Variants in IGFN1 observed in about 807,000 individuals in gnomAD.
IGFN1 encodes the protein immunoglobulin-like and fibronectin type III domain-containing protein 1.
A neutral mutation model predicts 289.5 loss-of-function variants in IGFN1; 253 were observed. That is an observed-to-expected ratio of 0.87 (90% confidence interval 0.79 to 0.97). The LOEUF (loss-of-function observed/expected upper bound fraction) is 0.97. IGFN1 is among the 50% of genes least tolerant of loss of function. The pLI, the probability that IGFN1 is intolerant of heterozygous loss-of-function variation, is 0.00. For missense variants in IGFN1, 4,470 were observed against 4,686.1 expected, an observed-to-expected ratio of 0.95 and a Z score of 1.35; for synonymous variants, 1,706 against 1,788.5, an observed-to-expected ratio of 0.95 and a Z score of 1.16.
Position 201,212,385 on chromosome 1 carries a change from G to A in IGFN1, c.7492G>A (p.Gly2498Arg), listed in dbSNP as rs1294361702. Residue 2498 changes from glycine to arginine, a missense_variant, in exon 12 of 24, where the codon GGG becomes AGG. Gly to Arg is a moderately radical substitution (Grantham distance 125). Coordinates refer to ENST00000335211, the MANE Select transcript of IGFN1 (RefSeq NM_001164586.2). Reference sequence around the variant, plus strand: ...TGTCAAAGAATGGCAAGACAGTTCTGGGACTCCAGGGTCTTCTAGAGACAG... The same window carrying A: ...TGTCAAAGAATGGCAAGACAGTTCTAGGACTCCAGGGTCTTCTAGAGACAG... ...PDVKEWQDSS[G>R]TPGSSRDRGA... is the part of the protein sequence containing the mutation. The A allele has an allele frequency of 6.5e-7, 1 of 1,536,930 alleles. No individual in the cohort carries two copies. The highest frequency in any genetic ancestry group is 8.7e-7 in the Non-Finnish European group (1 of 1,146,810).
At position 201,221,639 on chromosome 1, in the gene IGFN1, G is replaced by C. The variant is rs199582337; in HGVS notation, c.10094G>C (p.Gly3365Ala). The C allele has an allele frequency of 6.2e-7, 1 of 1,614,210 alleles. No individual in the cohort carries two copies. Among genetic ancestry groups the C allele is most frequent in the Non-Finnish European group, 8.5e-7 (1 of 1,180,016 alleles). The change falls in exon 19 of 24, where the codon GGG becomes GCG. Residue 3365 changes from glycine (G) to alanine (A), a missense_variant. Transcript: ENST00000335211. ...TVPVTTYTAK[G>A]LRPGEGYFVR... is the part of the protein sequence containing the mutation. ...CCAGTCACCACCTACACGGCCAAGG[G>C]GCTTCGGCCTGGAGAGGGCTACTTC...
intron 17 of IGFN1, 77 bp downstream of exon 17, chr1:201,217,537 T>C (rs1653401318): frequency 6.7e-7 from 1 of 1,489,054 alleles, no homozygotes; most frequent in South Asian, 1.2e-5. Context: ...TCAGTTCAGA[T>C]TGGTTTAATA....
Position 201,222,837 on chromosome 1 carries a change from C to T in IGFN1, c.10290+10C>T. 6.2e-7 allele frequency: 1 copy of T among 1,600,342 alleles called. No individual in the cohort carries two copies. ...GCCCGTCTCCTTTGAAGTGAGTGTA[C>T]CTGCAGGGGTGTGGGGAGGGAAGCC... On this transcript the variant is annotated intron_variant, in intron 20 of 23. Transcript: ENST00000335211.
In IGFN1 at chr1:201,205,251, G is replaced by C; in HGVS notation, c.1086G>C (p.Gly362=). ...ATGAAGTGTATGTGTCCCCTGACGGGCTGACCCACCGGCTGGTGGTGAGGG... is the reference window on the plus strand; with the variant it reads ...ATGAAGTGTATGTGTCCCCTGACGGCCTGACCCACCGGCTGGTGGTGAGGG... ...DKYEVYVSPD[G]LTHRLVVRGA... Residue 362 remains glycine, a synonymous_variant, in exon 11 of 24, where the codon GGG becomes GGC. Coordinates refer to ENST00000335211, the MANE Select transcript of IGFN1 (RefSeq NM_001164586.2). 1 of 1,551,018 alleles carries C rather than the reference G, an allele frequency of 6.4e-7. No homozygotes were observed. Among genetic ancestry groups the C allele is most frequent in the Non-Finnish European group, 8.7e-7 (1 of 1,146,952 alleles).
chr1:201,195,149 CT>C (rs149647238), intron 3 of IGFN1, among the ~76,000 whole-genome samples: 37,511 of 147,042 alleles, frequency 0.26, 6,147 homozygotes, highest in Non-Finnish European at 0.38. Context: ...AAAATCTCTT[CT>C]TTTTTTTTTT....
At position 201,205,144 on chromosome 1, in the gene IGFN1, G is replaced by A. The variant is rs1667345446; in HGVS notation, c.979G>A (p.Val327Ile). Reference sequence around the variant, plus strand: ...CCACTGTGAGGAGCAGGGTGACGCAGTCTTTGAATGTACCCTCTCCAGCCC... The same window carrying A: ...CCACTGTGAGGAGCAGGGTGACGCAATCTTTGAATGTACCCTCTCCAGCCC... ...ETHCEEQGDA[V>I]FECTLSSPCP... Residue 327 changes from valine to isoleucine, a missense_variant, in exon 11 of 24, where the codon GTC becomes ATC. Val to Ile is a conservative substitution (Grantham distance 29). Coordinates refer to ENST00000335211, the MANE Select transcript of IGFN1 (RefSeq NM_001164586.2). 6.4e-7 allele frequency: 1 copy of A among 1,551,012 alleles called. No homozygotes were observed. The highest frequency in any genetic ancestry group is 8.7e-7 in the Non-Finnish European group (1 of 1,146,984).
intron 22 of IGFN1, 81 bp downstream of exon 22, chr1:201,226,204 A>G: frequency 7.1e-7 from 1 of 1,405,042 alleles, no homozygotes; most frequent in South Asian, 1.4e-5. Flanking sequence ...AAGCATGGCA[A>G]GCGCGCAGGA....
At chr1:201,195,697 G>A in intron 3 of IGFN1, 142 bp from the exon 4 acceptor site, 1 of 867,972 alleles carries the variant, frequency 1.2e-6, no homozygotes, top group Non-Finnish European at 1.7e-6. Flanking sequence ...CTGAGTCAAG[G>A]GGACCAAGGC....
At position 201,202,738 on chromosome 1, in the gene IGFN1, TCCCTCCCTCCCTC is replaced by T. The variant is rs1558137467; in HGVS notation, c.747+909_747+921del. ...CTTCCTCCCTCCCTCCCTCCCTCCC[TCCCTCCCTCCCTC>T]CCTTCCTTCCTTCCTTCCTTCCTTC... On this transcript the variant is annotated intron_variant, in intron 9 of 23. Transcript: ENST00000335211. Among the ~76,000 whole-genome samples the T allele has an allele frequency of 2.4e-4, 15 of 61,280 alleles. No individual in the cohort carries two copies. In the South Asian group the frequency reaches 4.9e-3, roughly 20 times the overall value. The allele number at this position is 61,280 out of a possible 152,430, so 40.2% of individuals were successfully genotyped here.
rs925535523 is a variant in IGFN1, at chr1:201,209,282, T to A, written c.4389T>A (p.Asn1463Lys). 51 of 1,482,594 alleles carry A rather than the reference T, an allele frequency of 3.4e-5. No individual in the cohort carries two copies. The highest frequency in any genetic ancestry group is 4.3e-5 in the Non-Finnish European group (48 of 1,127,910). The allele number at this position is 1,482,594 out of a possible 1,614,324, so 91.8% of individuals were successfully genotyped here. The change falls in exon 12 of 24, where the codon AAT becomes AAA. Residue 1463 changes from asparagine to lysine, a missense_variant. By Grantham distance (94) the Asn-to-Lys change is moderately conservative (BLOSUM62 0). Transcript: ENST00000335211. ...RSMDEAGYRKNLGAPERMDSG... is the reference protein window; with the variant it reads ...RSMDEAGYRKKLGAPERMDSG... The stretch of plus-strand genomic sequence containing the variant: ...TGGATGAGGCAGGTTATAGGAAAAA[T>A]TTGGGAGCTCCTGAGAGAATGGATT...
At position 201,203,792 on chromosome 1, in the gene IGFN1, C is replaced by T. The variant is rs553115448; in HGVS notation, c.802C>T (p.Arg268Trp). Residue 268 changes from arginine to tryptophan, a missense_variant, in exon 10 of 24, where the codon CGG (arginine) becomes TGG (tryptophan). Arg to Trp is a moderately radical substitution (Grantham distance 101). Coordinates refer to ENST00000335211, the MANE Select transcript of IGFN1 (RefSeq NM_001164586.2). ...CAACCAAACCAAGCACTGTCTGCGC[C>T]GGCTGGGGAAGCGCTATGAGTTCCA... ...FNNQTKHCLR[R>W]LGKRYEFQIQ... The T allele has an allele frequency of 5.4e-5, 84 of 1,551,694 alleles. No individual in the cohort carries two copies. The highest frequency in any genetic ancestry group is 4.2e-4 in the African/African-American group (31 of 73,146).
intron 13 of IGFN1, among the ~76,000 whole-genome samples, chr1:201,214,655 C>T (rs377372494): frequency 1.3e-5 from 2 of 152,216 alleles, no homozygotes; most frequent in East Asian, 3.9e-4. Flanking sequence ...ATCCTCTGTC[C>T]TCCATTAAAG....
At chr1:201,193,137 C>G (rs1666731312) in intron 1 of IGFN1, 110 bp from the exon 2 acceptor site, 1 of 611,988 alleles carries the variant, frequency 1.6e-6, no homozygotes, top group Non-Finnish European at 3.0e-6. Context: ...TTGGGGGCAG[C>G]AGCTTTTTCC....
chr1:201,224,565 C>G, intron 20 of IGFN1, 114 bp from the exon 21 acceptor site: 1 of 793,250 alleles, frequency 1.3e-6, no homozygotes, highest in African/African-American at 1.7e-5. Context: ...GGTCGACTTT[C>G]TCCTTGTAGA....
intron 16 of IGFN1, among the ~76,000 whole-genome samples, chr1:201,217,079 G>A (rs1408866526): frequency 6.6e-6 from 1 of 152,086 alleles, no homozygotes; most frequent in Non-Finnish European, 1.5e-5. Context: ...TCTAGGCTCC[G>A]AGGCTGCAGT....
intron 20 of IGFN1, among the ~76,000 whole-genome samples, chr1:201,224,182 C>A (rs969421118): frequency 6.6e-6 from 1 of 152,198 alleles, no homozygotes; most frequent in African/African-American, 2.4e-5. Flanking sequence ...CACCACAGTT[C>A]AAGGCCAGGA....
chr1:201,219,491 G>A (rs1193118978), intron 18 of IGFN1, among the ~76,000 whole-genome samples: 2 of 152,152 alleles, frequency 1.3e-5, no homozygotes, highest in African/African-American at 2.4e-5. Flanking sequence ...TCCTGCAGGG[G>A]AAAAAAACCT....
rs770015763 is a variant in IGFN1 at position 201,227,121 on chromosome 1, G to A, written c.11026G>A (p.Val3676Ile). The change falls in exon 23 of 24, where the codon GTA (valine) becomes ATA (isoleucine). Residue 3676 changes from valine (V) to isoleucine (I), a missense_variant. Physicochemically the swap from Val to Ile is conservative, Grantham distance 29. Transcript: ENST00000335211. Reference sequence around the variant, plus strand: ...CGTGTGCTCCCTCACCATCCCCAGCGTATCCCCGAAGGACAGCGGGGAGTA... The same window carrying A: ...CGTGTGCTCCCTCACCATCCCCAGCATATCCCCGAAGGACAGCGGGGAGTA... ...LGVCSLTIPS[V>I]SPKDSGEYKA... is the part of the protein sequence containing the mutation. 28 of 1,613,376 alleles carry A rather than the reference G, an allele frequency of 1.7e-5. No homozygotes were observed. The highest frequency in any genetic ancestry group is 4.5e-5 in the East Asian group (2 of 44,900).
Position 201,206,162 on chromosome 1 carries a change from A to G in IGFN1, c.1269A>G (p.Glu423=), listed in dbSNP as rs1292020345. The change falls in exon 12 of 24, where the codon GAA becomes GAG. Residue 423 remains glutamate, a synonymous_variant. Transcript: ENST00000335211. ...AAGGAGCCCAGGCATCAGGAGCAGA[A>G]GAGTCTGGGAGCATCGAGAGCCAGG... ...QRQGAQASGA[E]ESGSIESQGE... 2 of 1,550,710 alleles carry G rather than the reference A, an allele frequency of 1.3e-6. No individual in the cohort carries two copies. Among genetic ancestry groups the G allele is most frequent in the Non-Finnish European group, 1.7e-6 (2 of 1,146,860 alleles).
Sources: gnomAD v4.1 joint callset for allele counts (sites outside exome capture counted in the v4.1 genomes callset) on GRCh38, gnomAD v4.1.1 for gene constraint, MANE v1.5 for transcripts, NCBI Gene and HGNC (gene_info 2026-07-23, HGNC 2026-07-21) for gene names.